Variants in LRBA observed in about 807,000 individuals in gnomAD.
LRBA encodes lipopolysaccharide-responsive and beige-like anchor protein.
LRBA carries 176 observed loss-of-function variants against 330.0 expected under a neutral mutation model. The observed-to-expected ratio is 0.53, with a 90% CI of 0.47 to 0.60. The LOEUF (loss-of-function observed/expected upper bound fraction) is 0.60. Among genes scored for constraint, LRBA ranks in the 20% least tolerant of loss-of-function variants. The pLI, the probability that LRBA is intolerant of heterozygous loss-of-function variation, is 0.00. For synonymous variants in LRBA, 1,230 were observed against 1,193.0 expected (o/e 1.03, Z -0.64); for missense variants, 3,259 against 3,444.8 (o/e 0.95, Z 1.35).
intron 34 of LRBA, among the ~76,000 whole-genome samples, chr4:150,789,011 T>C (rs1395075769): frequency 1.3e-5 from 2 of 152,120 alleles, no homozygotes; most frequent in East Asian, 1.9e-4. Flanking sequence ...GAGGCAGAGA[T>C]TGCAGTGAGC....
intron 2 of LRBA, among the ~76,000 whole-genome samples, chr4:150,970,413 T>A (rs1262041520): frequency 1.3e-5 from 2 of 151,760 alleles, no homozygotes; most frequent in East Asian, 3.9e-4. Context: ...GGTGGGAGGA[T>A]CGCTTAAGCC....
chr4:150,485,501 A>G lies in LRBA; in HGVS notation c.6551+2231T>C, dbSNP rs1190271517. Among the ~76,000 whole-genome samples the G allele has an allele frequency of 2.0e-5, 3 of 152,012 alleles. No individual in the cohort carries two copies. The East Asian group carries it at 5.8e-4, about 29-fold the overall frequency. The stretch of plus-strand genomic sequence containing the variant: ...GAGAGAATATTTTCAAGTTAAAATG[A>G]AGTCATCAGGGTGGGCCCAAGTCCA... On this transcript the variant is annotated intron_variant, in intron 42 of 56. Transcript: ENST00000651943.
intron 36 of LRBA, among the ~76,000 whole-genome samples, chr4:150,722,044 T>A (rs1729007663): frequency 1.3e-5 from 2 of 152,148 alleles, no homozygotes; most frequent in African/African-American, 4.8e-5. Flanking sequence ...GGTCCTTCAT[T>A]TGTTGATCAT....
chr4:150,894,233 A>C (rs545615621), intron 16 of LRBA, among the ~76,000 whole-genome samples: 5 of 152,286 alleles, frequency 3.3e-5, no homozygotes, highest in African/African-American at 9.6e-5. Context: ...TCTTAAACTT[A>C]TCTGATCTGG....
intron 32 of LRBA, among the ~76,000 whole-genome samples, chr4:150,808,049 T>G (rs1743057293): frequency 6.6e-6 from 1 of 152,322 alleles, no homozygotes; most frequent in African/African-American, 2.4e-5. Flanking sequence ...TTGTTATGCA[T>G]GCAGCAATTA....
intron 44 of LRBA, among the ~76,000 whole-genome samples, chr4:150,442,568 T>G (rs533846590): frequency 1.3e-5 from 2 of 152,274 alleles, no homozygotes; most frequent in East Asian, 3.9e-4. Context: ...TGATGACAGA[T>G]AAAGCCTGCC....
chr4:150,978,622 G>A (rs180846141), intron 2 of LRBA, among the ~76,000 whole-genome samples: 1 of 152,246 alleles, frequency 6.6e-6, no homozygotes, highest in East Asian at 1.9e-4. Context: ...GAAACTCAAA[G>A]AAATTGAAGA....
intron 37 of LRBA, among the ~76,000 whole-genome samples, chr4:150,619,134 A>G (rs2126618416): frequency 6.6e-6 from 1 of 152,294 alleles, no homozygotes; most frequent in Admixed American, 6.5e-5. Context: ...ACAGAGAGGT[A>G]CATGTTTAAA....
At chr4:150,542,473 T>C (rs1765412678) in intron 40 of LRBA, among the ~76,000 whole-genome samples, 1 of 152,224 alleles carries the variant, frequency 6.6e-6, no homozygotes, top group Non-Finnish European at 1.5e-5. Context: ...GCACTTACCA[T>C]ATACCAGACA....
intron 53 of LRBA, among the ~76,000 whole-genome samples, chr4:150,301,715 C>G (rs983664654): frequency 2.0e-5 from 3 of 152,086 alleles, no homozygotes; most frequent in Admixed American, 2.0e-4. Context: ...GGTGGAGTGA[C>G]AGAGCAAGGA....
At chr4:150,806,031 A>C (rs1742745069) in intron 33 of LRBA, among the ~76,000 whole-genome samples, 1 of 152,176 alleles carries the variant, frequency 6.6e-6, no homozygotes, top group South Asian at 2.1e-4. Context: ...AAAAAAAAAA[A>C]AAAGTCTTAG....
At chr4:150,559,911 AT>A (rs1419039654) in intron 40 of LRBA, among the ~76,000 whole-genome samples, 17 of 62,992 alleles carry the variant, frequency 2.7e-4, no homozygotes, top group African/African-American at 9.7e-4. Context: ...ATAATTATAT[AT>A]AATATATAAA....
intron 28 of LRBA, among the ~76,000 whole-genome samples, chr4:150,836,621 T>C (rs1247887921): frequency 6.6e-6 from 1 of 152,234 alleles, no homozygotes; most frequent in African/African-American, 2.4e-5. Flanking sequence ...AATTTGTATT[T>C]CTGTGGGATT....
intron 35 of LRBA, among the ~76,000 whole-genome samples, chr4:150,737,062 T>G (rs6835970): frequency 0.7 from 107,092 of 152,016 alleles, 42,731 homozygotes; most frequent in Non-Finnish European, 0.9. Flanking sequence ...AAGAAAGTTT[T>G]TTTTAATTAG....
In LRBA at chr4:150,477,870, T is replaced by C. The variant is rs78034177; in HGVS notation, c.6552-6131A>G. Among the ~76,000 whole-genome samples the C allele has an allele frequency of 9.2e-5, 14 of 152,224 alleles. No homozygotes were observed. The East Asian group carries it at 2.7e-3, about 30-fold the overall frequency. On this transcript the variant is annotated intron_variant, in intron 42 of 56. Transcript: ENST00000651943. ...AAGCCTCTCCAGCCATGCTTCCTTA[T>C]AGCCTGAGGAAACATGAGCCAATGA...
chr4:150,327,760 T>A (rs867705760), intron 48 of LRBA, among the ~76,000 whole-genome samples: 1 of 152,356 alleles, frequency 6.6e-6, no homozygotes, highest in South Asian at 2.1e-4. Flanking sequence ...TACAAAGCAC[T>A]AAATAAAATG....
In LRBA at chr4:150,435,717, T is replaced by A; in HGVS notation, c.6922-9A>T. On this transcript the variant is annotated splice_polypyrimidine_tract_variant and intron_variant, in intron 45 of 56. Transcript: ENST00000651943. ...TAAGTTGTAAAGGGTTCCTAAAAAA[T>A]AGCAATTAAAAAAATCCATATGTTC... The A allele has an allele frequency of 6.3e-7, 1 of 1,589,612 alleles. No individual in the cohort carries two copies. Among genetic ancestry groups the A allele is most frequent in the Non-Finnish European group, 8.5e-7 (1 of 1,172,196 alleles).
At chr4:150,469,012 A>G (rs1263632812) in intron 43 of LRBA, among the ~76,000 whole-genome samples, 1 of 152,046 alleles carries the variant, frequency 6.6e-6, no homozygotes, top group African/African-American at 2.4e-5. Flanking sequence ...CTCCATTAAA[A>G]AAACCAAACA....
At chr4:150,388,504 G>A (rs562384130) in intron 47 of LRBA, among the ~76,000 whole-genome samples, 2 of 152,290 alleles carry the variant, frequency 1.3e-5, no homozygotes, top group African/African-American at 4.8e-5. Context: ...CTTGAGGTAC[G>A]AATCATCTTT....
Sources: allele counts gnomAD v4.1 joint callset (sites outside exome capture counted in the v4.1 genomes callset), GRCh38; gene constraint gnomAD v4.1.1; transcripts MANE v1.5; gene names NCBI Gene and HGNC (gene_info 2026-07-23, HGNC 2026-07-21).